STK3: variants seen among roughly 807,000 people sequenced by gnomAD.
The protein encoded by STK3 is serine/threonine-protein kinase 3.
Under a neutral mutation model 58.0 loss-of-function variants are expected in STK3, and 41 were observed. That is an observed-to-expected ratio of 0.71 (90% confidence interval 0.55 to 0.92). The LOEUF (loss-of-function observed/expected upper bound fraction) is 0.92. STK3 is among the 40% of genes least tolerant of loss of function. The probability of loss-of-function intolerance (pLI) is 0.00; values close to 1 mark genes in which losing one functional copy is unlikely to be tolerated. For synonymous variants in STK3, 170 were observed against 191.0 expected, an observed-to-expected ratio of 0.89 and a Z score of 0.91; for missense variants, 479 against 602.7, an observed-to-expected ratio of 0.79 and a Z score of 2.15.
intron 4 of STK3, among the ~76,000 whole-genome samples, chr8:98,708,624 G>A (rs1361339348): frequency 1.3e-5 from 2 of 152,164 alleles, no homozygotes; most frequent in Admixed American, 6.5e-5. Context: ...ACTGCTATCT[G>A]TACCAGGCAA....
At chr8:98,905,850 C>A (rs960921685) in intron 1 of STK3, among the ~76,000 whole-genome samples, 6 of 152,286 alleles carry the variant, frequency 3.9e-5, no homozygotes, top group Non-Finnish European at 8.8e-5. Context: ...TCCAGCGCAG[C>A]CACATGGTAG....
At chr8:98,701,712 A>G (rs1313856171) in intron 6 of STK3, among the ~76,000 whole-genome samples, 1 of 151,834 alleles carries the variant, frequency 6.6e-6, no homozygotes, top group Non-Finnish European at 1.5e-5. Flanking sequence ...TCTCACACTC[A>G]CTTCCTAAAG....
chr8:98,619,303 C>A (rs1818047036), intron 6 of STK3, among the ~76,000 whole-genome samples: 1 of 151,320 alleles, frequency 6.6e-6, no homozygotes, highest in South Asian at 2.1e-4. Context: ...ACACCTTATA[C>A]AAAAATCAAT....
chr8:98,438,720 G>C (rs897359826), intron 1 of STK3: 5 of 152,394 alleles, frequency 3.3e-5, no homozygotes, highest in African/African-American at 1.2e-4. Context: ...CTCTGTGTGT[G>C]TGTGTGTGTG....
chr8:98,935,631 T>TA (rs1840167559), intron 1 of STK3, among the ~76,000 whole-genome samples: 1 of 152,176 alleles, frequency 6.6e-6, no homozygotes, highest in Non-Finnish European at 1.5e-5. Context: ...TACTTTTCAG[T>TA]AAAAAATGAA....
chr8:98,786,585 A>T (rs1832473637), intron 1 of STK3, among the ~76,000 whole-genome samples: 1 of 152,210 alleles, frequency 6.6e-6, no homozygotes, highest in African/African-American at 2.4e-5. Context: ...AGTCAACAAA[A>T]ATAGAGGAAA....
At chr8:98,599,914 G>A (rs956307549) in intron 6 of STK3, among the ~76,000 whole-genome samples, 1 of 152,082 alleles carries the variant, frequency 6.6e-6, no homozygotes, top group Non-Finnish European at 1.5e-5. Context: ...GTTACAACGA[G>A]CCAAGATCAC....
chr8:98,614,260 A>G (rs530807989), intron 6 of STK3, among the ~76,000 whole-genome samples: 1 of 152,314 alleles, frequency 6.6e-6, no homozygotes, highest in South Asian at 2.1e-4. Flanking sequence ...ATATACCAAG[A>G]GAGAACATAT....
intron 3 of STK3, among the ~76,000 whole-genome samples, chr8:98,756,722 G>C: frequency 6.6e-6 from 1 of 152,186 alleles, no homozygotes; most frequent in African/African-American, 2.4e-5. Context: ...TGAAGCGACT[G>C]CCCCTCTCAG....
At chr8:98,870,781 A>G (rs578002235) in intron 3 of STK3, among the ~76,000 whole-genome samples, 19 of 152,222 alleles carry the variant, frequency 1.2e-4, no homozygotes, top group Admixed American at 4.6e-4. Flanking sequence ...TTTTTCTCCC[A>G]TTCTATAGGT....
intron 2 of STK3, among the ~76,000 whole-genome samples, chr8:98,768,131 A>C (rs1445934292): frequency 6.6e-6 from 1 of 152,226 alleles, no homozygotes; most frequent in East Asian, 1.9e-4. Context: ...ACTACTATGT[A>C]CTGAGTTCTT....
intron 4 of STK3, among the ~76,000 whole-genome samples, chr8:98,737,965 C>G (rs756758576): frequency 3.9e-5 from 6 of 152,118 alleles, no homozygotes; most frequent in Non-Finnish European, 8.8e-5. Flanking sequence ...CTGCCTTGGC[C>G]TCCAGAAGTG....
chr8:98,481,759 T>C (rs1455750909), intron 10 of STK3, among the ~76,000 whole-genome samples: 1 of 152,126 alleles, frequency 6.6e-6, no homozygotes, highest in Non-Finnish European at 1.5e-5. Flanking sequence ...TCCTAGACTT[T>C]ATAATCTCAA....
chr8:98,502,180 G>T (rs1823660183), intron 10 of STK3, among the ~76,000 whole-genome samples: 1 of 151,860 alleles, frequency 6.6e-6, no homozygotes, highest in Non-Finnish European at 1.5e-5. Context: ...GTGAATGGGA[G>T]TTCACTCATG....
At chr8:98,474,214 G>A (rs1472440664) in intron 10 of STK3, among the ~76,000 whole-genome samples, 2 of 152,082 alleles carry the variant, frequency 1.3e-5, no homozygotes, top group Non-Finnish European at 2.9e-5. Context: ...CTTATCTTGA[G>A]CACACTGTTT....
chr8:98,484,984 A>G (rs1209990856), intron 10 of STK3, among the ~76,000 whole-genome samples: 1 of 152,184 alleles, frequency 6.6e-6, no homozygotes, highest in African/African-American at 2.4e-5. Flanking sequence ...TCACGCCTGT[A>G]ATCTCAGCAC....
Position 98,767,277 on chromosome 8 carries a change from T to G in STK3, c.202A>C (p.Ile68Leu). ...TGCTGCATTATGGAAATTTCTTTGA[T>G]TATTTCCTGAAGATCTGATTCAACA... ...VPVESDLQEI[I>L]KEISIMQQCD... Residue 68 changes from isoleucine (I) to leucine (L), a missense_variant, in exon 3 of 11, where the codon ATC becomes CTC. Ile to Leu is a conservative substitution (Grantham distance 5, BLOSUM62 2). Around this residue, in one of 3 missense-constraint regions of STK3, gnomAD observed 126 missense variants for 210.1 expected, o/e 0.60. Transcript: ENST00000419617. 1.2e-6 allele frequency: 2 copies of G among 1,611,200 alleles called. No individual in the cohort carries two copies. The highest frequency in any genetic ancestry group is 2.2e-5 in the South Asian group (2 of 90,540).
chr8:98,824,710 C>T (rs2131751461), intron 1 of STK3, among the ~76,000 whole-genome samples: 1 of 152,298 alleles, frequency 6.6e-6, no homozygotes, highest in East Asian at 1.9e-4. Flanking sequence ...TTCAATTATC[C>T]CATGTTCTTG....
chr8:98,554,430 T>C (rs923582887), intron 8 of STK3, among the ~76,000 whole-genome samples: 1 of 152,142 alleles, frequency 6.6e-6, no homozygotes, highest in African/African-American at 2.4e-5. Flanking sequence ...AAATAGTCCT[T>C]AGCCTCCCTA....
Sources: gnomAD v4.1 joint callset for allele counts (sites outside exome capture counted in the v4.1 genomes callset) on GRCh38, gnomAD v4.1.1 for gene constraint, gnomAD v4.1.1 regional missense constraint, MANE v1.5 for transcripts, NCBI Gene and HGNC (gene_info 2026-07-23, HGNC 2026-07-21) for gene names.